Variants in MLLT10 observed in about 807,000 individuals in gnomAD.
The protein encoded by MLLT10 is MLLT10 histone lysine methyltransferase DOT1L cofactor.
Under a neutral mutation model 129.1 loss-of-function variants are expected in MLLT10, and 30 were observed. The ratio of observed to expected loss-of-function variants is 0.23; its 90% CI spans 0.17 to 0.32. The LOEUF (loss-of-function observed/expected upper bound fraction) is 0.32, where lower values mean the gene tolerates loss of function less well. Ranked by LOEUF, MLLT10 falls within the 10% of genes least tolerant of loss-of-function variation. The pLI, the probability that MLLT10 is intolerant of heterozygous loss-of-function variation, is 1.00. For missense variants in MLLT10, 1,119 were observed against 1,268.3 expected, an observed-to-expected ratio of 0.88 and a Z score of 1.79; for synonymous variants, 490 against 446.4, an observed-to-expected ratio of 1.10 and a Z score of -1.23.
At chr10:21,588,949 G>A (rs750843568) in intron 4 of MLLT10, among the ~76,000 whole-genome samples, 1 of 150,864 alleles carries the variant, frequency 6.6e-6, no homozygotes, top group Non-Finnish European at 1.5e-5. Context: ...TCACTCACCC[G>A]AATAGCTGGG....
intron 3 of MLLT10, among the ~76,000 whole-genome samples, chr10:21,567,680 C>G (rs1030250455): frequency 6.6e-6 from 1 of 152,122 alleles, no homozygotes; most frequent in African/African-American, 2.4e-5. Context: ...CCCATGTGAT[C>G]ATTGCTGGTA....
chr10:21,560,675 T>C (rs539724065), intron 3 of MLLT10, among the ~76,000 whole-genome samples: 3 of 152,280 alleles, frequency 2.0e-5, no homozygotes, highest in African/African-American at 7.2e-5. Flanking sequence ...TTTGAACTTC[T>C]GGACTCAAGC....
intron 8 of MLLT10, chr10:21,625,944 C>T (rs1324713107): frequency 1.1e-5 from 9 of 804,620 alleles, no homozygotes; most frequent in Non-Finnish European, 1.8e-5. Context: ...CCTACAAACA[C>T]CTCTGTTCCA....
At chr10:21,597,496 A>G (rs1452858583) in intron 5 of MLLT10, among the ~76,000 whole-genome samples, 1 of 152,106 alleles carries the variant, frequency 6.6e-6, no homozygotes, top group African/African-American at 2.4e-5. Context: ...CAGCGTCCCG[A>G]GTAGCTGGGA....
At chr10:21,670,073 C>G (rs1222067182) in intron 9 of MLLT10, among the ~76,000 whole-genome samples, 2 of 151,892 alleles carry the variant, frequency 1.3e-5, no homozygotes, top group East Asian at 3.9e-4. Flanking sequence ...AATACTAAAG[C>G]TTATTTTAAT....
At position 21,597,181 on chromosome 10, in the gene MLLT10, C is replaced by G. The variant is rs370766240; in HGVS notation, c.405+1741C>G. Among the ~76,000 whole-genome samples the G allele has an allele frequency of 7.9e-5, 12 of 152,244 alleles. No homozygotes were observed. In the South Asian group the frequency reaches 2.5e-3, roughly 32 times the overall value. On this transcript the variant is annotated intron_variant, in intron 5 of 22. Transcript: ENST00000307729. ...TTACCAATATAATATGCTGTCACCC[C>G]TGAATACTTCAGAGTTTCCCATAAA...
At position 21,618,774 on chromosome 10, in the gene MLLT10, C is replaced by T. The variant is rs568414798; in HGVS notation, c.699+1567C>T. Among the ~76,000 whole-genome samples the T allele has an allele frequency of 1.3e-3, 191 of 151,940 alleles. 2 individuals are homozygous for T. The highest frequency in any genetic ancestry group is 1.2e-3 in the Non-Finnish European group (80 of 67,986). Reference sequence around the variant, plus strand: ...TCAGCCTCCCTAGTAACTCTGTCGCCCAGGCTAGAGTGCAGTGGCGTGATC... The same window carrying T: ...TCAGCCTCCCTAGTAACTCTGTCGCTCAGGCTAGAGTGCAGTGGCGTGATC... On this transcript the variant is annotated intron_variant, in intron 8 of 22. Coordinates refer to ENST00000307729, the MANE Select transcript of MLLT10 (RefSeq NM_001195626.3).
chr10:21,624,966 C>G, intron 8 of MLLT10: 1 of 1,261,064 alleles, frequency 7.9e-7, no homozygotes, highest in South Asian at 1.4e-5. Context: ...TGGTGAAGCA[C>G]CCTGCCCTCC....
intron 3 of MLLT10, among the ~76,000 whole-genome samples, chr10:21,547,451 G>T (rs1280928156): frequency 6.7e-6 from 1 of 149,018 alleles, no homozygotes; most frequent in Non-Finnish European, 1.5e-5. Context: ...GCCCAGGCTG[G>T]TCTGGAACTC....
chr10:21,709,930 G>C (rs1344318618), intron 13 of MLLT10, among the ~76,000 whole-genome samples: 1 of 151,946 alleles, frequency 6.6e-6, no homozygotes, highest in African/African-American at 2.4e-5. Context: ...TGCATTTTTG[G>C]TAGAGATAGG....
chr10:21,706,531 C>A (rs529886222), intron 13 of MLLT10, among the ~76,000 whole-genome samples: 1 of 152,256 alleles, frequency 6.6e-6, no homozygotes, highest in South Asian at 2.1e-4. Flanking sequence ...TTCAGTCTCT[C>A]GGGATGTGGG....
chr10:21,623,628 G>T (rs1337791422), intron 8 of MLLT10, among the ~76,000 whole-genome samples: 1 of 152,184 alleles, frequency 6.6e-6, no homozygotes, highest in African/African-American at 2.4e-5. Context: ...TACATAGAAT[G>T]AACAGTTGAT....
At chr10:21,668,541 TAA>T (rs1411547780) in intron 9 of MLLT10, among the ~76,000 whole-genome samples, 1 of 152,174 alleles carries the variant, frequency 6.6e-6, no homozygotes. Flanking sequence ...TTTTTCACAT[TAA>T]GTCTGATTAT....
At chr10:21,615,325 T>C (rs999723589) in intron 7 of MLLT10, among the ~76,000 whole-genome samples, 22 of 151,248 alleles carry the variant, frequency 1.5e-4, no homozygotes, top group African/African-American at 4.4e-4. Flanking sequence ...GGTGTGCTGG[T>C]GCATGCCTGT....
chr10:21,626,093 T>A, intron 8 of MLLT10: 1 of 1,605,550 alleles, frequency 6.2e-7, no homozygotes, highest in South Asian at 1.1e-5. Context: ...CTTTGTGGAC[T>A]CTTGCACCTA....
At chr10:21,674,055 T>G (rs1023319341) in intron 11 of MLLT10, 136 bp downstream of exon 11, 15 of 706,508 alleles carry the variant, frequency 2.1e-5, no homozygotes, top group Non-Finnish European at 3.2e-5. Flanking sequence ...AATTTCTCAG[T>G]TTTTAAATTT....
intron 3 of MLLT10, among the ~76,000 whole-genome samples, chr10:21,576,654 G>C (rs1031344094): frequency 1.3e-5 from 2 of 148,356 alleles, no homozygotes; most frequent in Non-Finnish European, 3.0e-5. Context: ...TTTTGAGTTG[G>C]AGTTTTGCTC....
intron 14 of MLLT10, among the ~76,000 whole-genome samples, chr10:21,716,954 T>C (rs1252847443): frequency 6.6e-6 from 1 of 151,612 alleles, no homozygotes; most frequent in Non-Finnish European, 1.5e-5. Flanking sequence ...CCTTATTTGG[T>C]ATCTTAAGAA....
chr10:21,610,870 T>C (rs1164076005), intron 5 of MLLT10, among the ~76,000 whole-genome samples: 1 of 151,912 alleles, frequency 6.6e-6, no homozygotes, highest in African/African-American at 2.4e-5. Flanking sequence ...GGAATACTTT[T>C]ATTCAGTGTG....
Sources: gnomAD v4.1 joint callset for allele counts (sites outside exome capture counted in the v4.1 genomes callset) on GRCh38, gnomAD v4.1.1 for gene constraint, MANE v1.5 for transcripts, NCBI Gene and HGNC (gene_info 2026-07-23, HGNC 2026-07-21) for gene names.